The following PPARA variants were observed in gnomAD, a reference collection of about 807,000 sequenced individuals.
The protein encoded by PPARA is peroxisome proliferator-activated receptor alpha.
A neutral mutation model predicts 42.2 loss-of-function variants in PPARA; 22 were observed. The observed-to-expected ratio is 0.52, with a 90% CI of 0.37 to 0.74. PPARA has a LOEUF of 0.74. Among genes scored for constraint, PPARA ranks in the 30% least tolerant of loss-of-function variants. The probability of loss-of-function intolerance (pLI) is 0.00; values close to 1 mark genes in which losing one functional copy is unlikely to be tolerated. For synonymous variants in PPARA, 242 were observed against 239.3 expected, an observed-to-expected ratio of 1.01 and a Z score of -0.10; for missense variants, 465 against 608.2, an observed-to-expected ratio of 0.76 and a Z score of 2.48.
At position 46,211,883 on chromosome 22, in the gene PPARA, G is replaced by A. The variant is rs939222702; in HGVS notation, c.209-3290G>A. ...TGTATTTTTACAAAATACAAAAGAC[G>A]ATGTTTCACTATGTGGGCCAGGCTG... On this transcript the variant is annotated intron_variant, in intron 4 of 8. Coordinates refer to ENST00000407236, the MANE Select transcript of PPARA (RefSeq NM_005036.6). This position sits in a 1 kb window ranked among gnomAD's most constrained non-coding sequence, Gnocchi z 4.1. Among the ~76,000 whole-genome samples the A allele has an allele frequency of 6.6e-6, 1 of 152,148 alleles. No individual in the cohort carries two copies. Among genetic ancestry groups the A allele is most frequent in the East Asian group, 1.9e-4 (1 of 5,170 alleles).
chr22:46,169,249 T>G (rs1272027542), intron 2 of PPARA, among the ~76,000 whole-genome samples: 1 of 150,884 alleles, frequency 6.6e-6, no homozygotes, highest in African/African-American at 2.5e-5. Context: ...CAATGCAAGA[T>G]GTTTGTTTGT....
rs6007662 is a variant in PPARA at position 46,225,148 on chromosome 22, A to G, written c.711+5134A>G. Among the ~76,000 whole-genome samples the G allele has an allele frequency of 0.35, 53,684 of 151,898 alleles. 11,936 individuals carry two copies. The highest frequency in any genetic ancestry group is 0.63 in the African/African-American group (26,214 of 41,400). On this transcript the variant is annotated intron_variant, in intron 7 of 8. Transcript: ENST00000407236. This position sits in a 1 kb window ranked among gnomAD's most constrained non-coding sequence, Gnocchi z 4.1. ...AGGAAAGGTGGGCTTTAGCTGAGGGAAGGAGTGAGGGGTGGATGGAGAATG... is the reference window on the plus strand; with the variant it reads ...AGGAAAGGTGGGCTTTAGCTGAGGGGAGGAGTGAGGGGTGGATGGAGAATG...
rs987480526 is a variant in PPARA at position 46,188,624 on chromosome 22, T to C, written c.-42-9718T>C. ...AATACCTACCCTGCCCTGGCGTGGATAGATTAAAGAAAAAAAATACATGCA... is the reference window on the plus strand; with the variant it reads ...AATACCTACCCTGCCCTGGCGTGGACAGATTAAAGAAAAAAAATACATGCA... On this transcript the variant is annotated intron_variant, in intron 3 of 8. Transcript: ENST00000407236. This position sits in a 1 kb window ranked among gnomAD's most constrained non-coding sequence, Gnocchi z 5.0. 6.6e-6 allele frequency: 1 copy of C among 152,162 alleles called. No individual in the cohort carries two copies. The highest frequency in any genetic ancestry group is 2.4e-5 in the African/African-American group (1 of 41,432). 9.4% of individuals were successfully genotyped at this position (152,162 alleles called of 1,614,324 possible).
In PPARA at chr22:46,212,401, C is replaced by G. The variant is rs547645372; in HGVS notation, c.209-2772C>G. Among the ~76,000 whole-genome samples the G allele has an allele frequency of 2.6e-5, 4 of 152,258 alleles. No homozygotes were observed. Among genetic ancestry groups the G allele is most frequent in the Admixed American group, 2.0e-4 (3 of 15,270 alleles). On this transcript the variant is annotated intron_variant, in intron 4 of 8. Coordinates refer to ENST00000407236, the MANE Select transcript of PPARA (RefSeq NM_005036.6). The surrounding 1 kb of genome is among the most constrained non-coding windows in gnomAD (Gnocchi z 4.2). Reference sequence around the variant, plus strand: ...GAATAGTTTCACCACATCAAAAAACCCCATGCTTCACCTATTCAACCCTGC... The same window carrying G: ...GAATAGTTTCACCACATCAAAAAACGCCATGCTTCACCTATTCAACCCTGC...
chr22:46,189,997 G>A (rs529415235), intron 3 of PPARA, among the ~76,000 whole-genome samples: 2 of 152,258 alleles, frequency 1.3e-5, no homozygotes, highest in South Asian at 4.1e-4. Flanking sequence ...GAGCGACTGC[G>A]CCCAGCCGTG....
intron 4 of PPARA, among the ~76,000 whole-genome samples, chr22:46,205,356 A>G (rs1050376929): frequency 1.2e-4 from 18 of 149,646 alleles, no homozygotes; most frequent in African/African-American, 4.2e-4. Flanking sequence ...AGCTGAGACT[A>G]CAGGTACCTG....
intron 2 of PPARA, chr22:46,164,285 T>A (rs1332199388): frequency 6.6e-6 from 1 of 150,858 alleles, no homozygotes; most frequent in African/African-American, 2.4e-5. Context: ...AGAGTTTCAC[T>A]CTTGTTGCCC....
intron 4 of PPARA, among the ~76,000 whole-genome samples, chr22:46,206,869 C>T (rs755167845): frequency 2.0e-5 from 3 of 152,064 alleles, no homozygotes; most frequent in Non-Finnish European, 4.4e-5. Context: ...CTACTGGTAA[C>T]GAATTACTAG....
At chr22:46,177,786 G>A (rs17241878) in intron 3 of PPARA, among the ~76,000 whole-genome samples, 2 of 142,708 alleles carry the variant, frequency 1.4e-5, no homozygotes, top group Non-Finnish European at 1.6e-5. Context: ...AGAACCTCAG[G>A]CGTGTAGCCA....
intron 1 of PPARA, among the ~76,000 whole-genome samples, chr22:46,151,516 C>CT (rs1024566200): frequency 1.1e-4 from 17 of 152,260 alleles, no homozygotes; most frequent in African/African-American, 4.1e-4. Context: ...CACGCCTGTG[C>CT]TTTTCTGAAG....
chr22:46,168,948 C>T (rs1927547858), intron 2 of PPARA, among the ~76,000 whole-genome samples: 1 of 151,864 alleles, frequency 6.6e-6, no homozygotes, highest in Non-Finnish European at 1.5e-5. Context: ...ATACTGTCTG[C>T]TTCCAAGGCT....
chr22:46,235,679 T>A lies in PPARA; in HGVS notation c.*299T>A. The A allele has an allele frequency of 2.4e-6, 1 of 409,834 alleles. No homozygotes were observed. The highest frequency in any genetic ancestry group is 2.0e-5 in the African/African-American group (1 of 49,686). 25.4% of individuals were successfully genotyped at this position (409,834 alleles called of 1,614,324 possible). ...CGATGTTAATCAATGCACATTGCTT[T>A]AGATCACATTCGTGATTTACCATTT... is the stretch of plus-strand genomic sequence containing the variant. On this transcript the variant is annotated 3_prime_UTR_variant, in exon 9 of 9. Transcript: ENST00000407236. The surrounding 1 kb of genome is among the most constrained non-coding windows in gnomAD (Gnocchi z 7.0).
At position 46,212,752 on chromosome 22, in the gene PPARA, T is replaced by C. The variant is rs1934062189; in HGVS notation, c.209-2421T>C. On this transcript the variant is annotated intron_variant, in intron 4 of 8. Transcript: ENST00000407236. This position sits in a 1 kb window ranked among gnomAD's most constrained non-coding sequence, Gnocchi z 4.2. ...GGCTCACACCTGTAATCCCAGCATT[T>C]TGGGAGGCCAAGGCGGGCAGATCAC... Among the ~76,000 whole-genome samples the C allele has an allele frequency of 6.6e-6, 1 of 152,196 alleles. No homozygotes were observed. Among genetic ancestry groups the C allele is most frequent in the Non-Finnish European group, 1.5e-5 (1 of 68,036 alleles).
At chr22:46,154,988 TAAAAAAAAAAAAAAAA>T (rs71190699) in intron 2 of PPARA, 80 of 31,002 alleles carry the variant, frequency 2.6e-3, no homozygotes, top group East Asian at 0.01. Flanking sequence ...GGTCTTTCTT[TAAAAAAAAAAAAAAAA>T]AAAAAAAAAA....
chr22:46,234,848 T>C lies in PPARA; in HGVS notation c.1160-285T>C, dbSNP rs969929484. Among the ~76,000 whole-genome samples, 1 of 152,176 alleles carries C rather than the reference T, an allele frequency of 6.6e-6. No individual in the cohort carries two copies. Among genetic ancestry groups the C allele is most frequent in the Admixed American group, 6.5e-5 (1 of 15,268 alleles). ...TTCTCCCTGACAGGTGGTCATCAGG[T>C]AAATCACAAGTGAAAAGGCCGCACC... On this transcript the variant is annotated intron_variant, in intron 8 of 8. Coordinates refer to ENST00000407236, the MANE Select transcript of PPARA (RefSeq NM_005036.6). The surrounding 1 kb of genome is among the most constrained non-coding windows in gnomAD (Gnocchi z 5.8).
At chr22:46,214,145 G>A (rs1200965075) in intron 4 of PPARA, among the ~76,000 whole-genome samples, 1 of 152,206 alleles carries the variant, frequency 6.6e-6, no homozygotes, top group Admixed American at 6.5e-5. Flanking sequence ...CGGAAGAACT[G>A]GAAGAAAGGA....
chr22:46,151,395 G>A (rs991481519), intron 1 of PPARA, among the ~76,000 whole-genome samples: 1 of 152,234 alleles, frequency 6.6e-6, no homozygotes, highest in African/African-American at 2.4e-5. Context: ...CCGGAGTCCC[G>A]GGCTGCGCGG....
chr22:46,221,904 C>A lies in PPARA; in HGVS notation c.711+1890C>A, dbSNP rs754166500. On this transcript the variant is annotated intron_variant, in intron 7 of 8. Transcript: ENST00000407236. This position sits in a 1 kb window ranked among gnomAD's most constrained non-coding sequence, Gnocchi z 5.9. The stretch of plus-strand genomic sequence containing the variant: ...CACCCTGGCCAACATGGTGAAACCC[C>A]ATCTCTATTAAAAATACAAAAAATT... Among the ~76,000 whole-genome samples, 1 of 152,000 alleles carries A rather than the reference C, an allele frequency of 6.6e-6. No homozygotes were observed. The highest frequency in any genetic ancestry group is 1.5e-5 in the Non-Finnish European group (1 of 67,988).
At chr22:46,207,362 C>T (rs369098850) in intron 4 of PPARA, among the ~76,000 whole-genome samples, 25 of 146,294 alleles carry the variant, frequency 1.7e-4, no homozygotes, top group South Asian at 1.5e-3. Flanking sequence ...GCTCACTGCA[C>T]GCTCCGCCTC....
Sources: allele counts gnomAD v4.1 joint callset (sites outside exome capture counted in the v4.1 genomes callset), GRCh38; gene constraint gnomAD v4.1.1; non-coding constraint Gnocchi (gnomAD v3.1); transcripts MANE v1.5; gene names NCBI Gene and HGNC (gene_info 2026-07-23, HGNC 2026-07-21).